Variants in MROH2B observed in about 807,000 individuals in gnomAD.
The protein encoded by MROH2B is maestro heat like repeat family member 2B.
A neutral mutation model predicts 208.6 loss-of-function variants in MROH2B; 177 were observed. The observed-to-expected ratio is 0.85, with a 90% CI of 0.75 to 0.96. MROH2B has a LOEUF of 0.96. MROH2B is among the 40% of genes least tolerant of loss of function. The pLI is 0.00. For synonymous variants in MROH2B, 728 were observed against 659.0 expected, an observed-to-expected ratio of 1.10 and a Z score of -1.60; for missense variants, 2,002 against 1,878.7, an observed-to-expected ratio of 1.07 and a Z score of -1.21.
intron 17 of MROH2B, 75 bp from the exon 18 acceptor site, chr5:41,045,928 A>T: frequency 1.9e-6 from 2 of 1,041,750 alleles, no homozygotes; most frequent in East Asian, 2.5e-5. Context: ...TGGTTATTTT[A>T]TCTTTTAAAA....
chr5:41,027,209 A>G (rs948425480), intron 24 of MROH2B, among the ~76,000 whole-genome samples: 15 of 152,170 alleles, frequency 9.9e-5, no homozygotes, highest in Non-Finnish European at 1.6e-4. Context: ...AAACTAAAGA[A>G]CTTCTGCACA....
chr5:41,061,583 G>C lies in MROH2B; in HGVS notation c.602C>G (p.Ala201Gly), dbSNP rs1167085021. Residue 201 changes from alanine (A) to glycine (G), a missense_variant, in exon 6 of 42, where the codon GCC (alanine) becomes GGC (glycine). Physicochemically the swap from Ala to Gly is moderately conservative, Grantham distance 60 (BLOSUM62 0). Transcript: ENST00000399564. ...AGGCCCACTCACCTGCATGGGTGAGGCCAAAGGGGCCCACTTCTCCATTAT... is the reference window on the plus strand; with the variant it reads ...AGGCCCACTCACCTGCATGGGTGAGCCCAAAGGGGCCCACTTCTCCATTAT... ...WYIMEKWAPL[A>G]SPMQTLSIVK... is the part of the protein sequence containing the mutation. 1 of 1,612,948 alleles carries C rather than the reference G, an allele frequency of 6.2e-7. No homozygotes were observed. The highest frequency in any genetic ancestry group is 8.5e-7 in the Non-Finnish European group (1 of 1,179,422).
At position 41,005,089 on chromosome 5, in the gene MROH2B, A is replaced by T; in HGVS notation, c.3865-169T>A. On this transcript the variant is annotated intron_variant, in intron 35 of 41. Transcript: ENST00000399564. ...GCCTTGCTGAAGCTGAGCTCTAGAT[A>T]TGAGCAGCGCACAGGTCAAGCTTGC... The T allele has an allele frequency of 7.2e-6, 6 of 837,190 alleles. No individual in the cohort carries two copies. In the South Asian group the frequency reaches 1.1e-4, roughly 15 times the overall value. The allele number at this position is 837,190 out of a possible 1,614,324, so 51.9% of individuals were successfully genotyped here.
chr5:41,066,786 C>A (rs958288736), intron 3 of MROH2B, among the ~76,000 whole-genome samples: 24 of 152,004 alleles, frequency 1.6e-4, no homozygotes, highest in African/African-American at 5.8e-4. Context: ...CATATAGAAG[C>A]CAAGAAAATT....
At chr5:41,053,289 T>A (rs953444769) in intron 11 of MROH2B, among the ~76,000 whole-genome samples, 3 of 152,226 alleles carry the variant, frequency 2.0e-5, no homozygotes, top group Non-Finnish European at 4.4e-5. Flanking sequence ...AATCTTATTC[T>A]ATGCTGTGTG....
Position 41,018,790 on chromosome 5 carries a change from AAATC to A in MROH2B, c.2578-8_2578-5del. 1.2e-6 allele frequency: 2 copies of A among 1,613,866 alleles called. No individual in the cohort carries two copies. Among genetic ancestry groups the A allele is most frequent in the Non-Finnish European group, 1.7e-6 (2 of 1,179,832 alleles). On this transcript the variant is annotated splice_region_variant and splice_polypyrimidine_tract_variant and intron_variant, in intron 25 of 41. Coordinates refer to ENST00000399564, the MANE Select transcript of MROH2B (RefSeq NM_173489.5). ...CCATGGATCGTTCATAGAGAAACTG[AAATC>A]AAATATGTGTGTGTGAGTCTCAGGC...
intron 37 of MROH2B, 36 bp from the exon 38 acceptor site, chr5:41,000,869 C>A: frequency 6.3e-7 from 1 of 1,583,002 alleles, no homozygotes; most frequent in Non-Finnish European, 8.6e-7. Flanking sequence ...TGAATATCCT[C>A]TCAGAGGCCA....
At chr5:41,026,646 A>C (rs1742371280) in intron 24 of MROH2B, among the ~76,000 whole-genome samples, 1 of 152,344 alleles carries the variant, frequency 6.6e-6, no homozygotes, top group Non-Finnish European at 1.5e-5. Flanking sequence ...CATCCCTGTC[A>C]AGCTACCCAT....
intron 11 of MROH2B, among the ~76,000 whole-genome samples, chr5:41,052,875 T>G (rs1743327039): frequency 6.6e-6 from 1 of 152,198 alleles, no homozygotes; most frequent in South Asian, 2.1e-4. Context: ...ATGAGCATTT[T>G]CTTTGAGCAT....
At chr5:41,069,649 A>G in intron 2 of MROH2B, 42 bp downstream of exon 2, 1 of 1,448,354 alleles carries the variant, frequency 6.9e-7, no homozygotes, top group Non-Finnish European at 9.5e-7. Context: ...TTGCAACAAG[A>G]AGACTGAAAA....
chr5:41,042,832 T>C (rs186074273), intron 18 of MROH2B, among the ~76,000 whole-genome samples: 2 of 152,360 alleles, frequency 1.3e-5, no homozygotes, highest in East Asian at 1.9e-4. Context: ...CTCAGACTCC[T>C]GGCCTCAAGG....
At chr5:41,065,948 T>C (rs932253559) in intron 3 of MROH2B, among the ~76,000 whole-genome samples, 1 of 152,124 alleles carries the variant, frequency 6.6e-6, no homozygotes, top group Non-Finnish European at 1.5e-5. Context: ...AAACTCTTGG[T>C]AGGTGTTAGT....
intron 40 of MROH2B, among the ~76,000 whole-genome samples, chr5:40,998,916 C>T (rs1173743366): frequency 6.6e-6 from 1 of 152,166 alleles, no homozygotes; most frequent in African/African-American, 2.4e-5. Flanking sequence ...ACACAATGAT[C>T]TTCTAAGGAG....
intron 24 of MROH2B, among the ~76,000 whole-genome samples, chr5:41,020,094 G>A (rs780463410): frequency 2.0e-5 from 3 of 152,104 alleles, no homozygotes; most frequent in Non-Finnish European, 4.4e-5. Flanking sequence ...AACATGAGTT[G>A]TGGCTGATCT....
At chr5:41,063,364 G>A (rs1281598918) in intron 5 of MROH2B, among the ~76,000 whole-genome samples, 1 of 152,128 alleles carries the variant, frequency 6.6e-6, no homozygotes, top group Non-Finnish European at 1.5e-5. Flanking sequence ...CCATGTACTG[G>A]CTGTGTGACC....
Position 41,055,837 on chromosome 5 carries a change from T to C in MROH2B, c.938A>G (p.Glu313Gly). Residue 313 changes from glutamate (E) to glycine (G), a missense_variant, in exon 10 of 42, where the codon GAG becomes GGG. Glu to Gly is a moderately conservative substitution (Grantham distance 98, BLOSUM62 -2). Transcript: ENST00000399564. ...TTGTTCATCAAAAAATTCCATCAGC[T>C]CTCCAGGATTGGAATGGGCTGCAGG... Reference protein sequence around the residue: ...FLILAHSNPGELMEFFDEQVR... With the variant: ...FLILAHSNPGGLMEFFDEQVR... The C allele has an allele frequency of 6.2e-7, 1 of 1,613,414 alleles. No homozygotes were observed. Among genetic ancestry groups the C allele is most frequent in the East Asian group, 2.2e-5 (1 of 44,852 alleles).
chr5:41,020,038 T>C (rs1486549188), intron 24 of MROH2B, among the ~76,000 whole-genome samples: 1 of 152,138 alleles, frequency 6.6e-6, no homozygotes, highest in Non-Finnish European at 1.5e-5. Flanking sequence ...TAGAGATTAG[T>C]TTTCAAGTTC....
At chr5:41,042,316 C>G (rs1036509027) in intron 18 of MROH2B, 108 bp from the exon 19 acceptor site, 2 of 647,078 alleles carry the variant, frequency 3.1e-6, no homozygotes, top group African/African-American at 1.8e-5. Flanking sequence ...ATTGGGGTGA[C>G]TTAATAACCA....
intron 22 of MROH2B, 57 bp downstream of exon 22, chr5:41,033,781 T>TTATC (rs368384200): frequency 0.088 from 67,730 of 768,744 alleles, 2,392 homozygotes; most frequent in East Asian, 0.15. Context: ...CAGGGGGGCA[T>TTATC]TATCTATCTA....
Sources: gnomAD v4.1 joint callset for allele counts (sites outside exome capture counted in the v4.1 genomes callset) on GRCh38, gnomAD v4.1.1 for gene constraint, MANE v1.5 for transcripts, NCBI Gene and HGNC (gene_info 2026-07-23, HGNC 2026-07-21) for gene names.